CAMTA1: variants seen among roughly 807,000 people sequenced by gnomAD.
The protein encoded by CAMTA1 is calmodulin-binding transcription activator 1.
CAMTA1 carries 27 observed loss-of-function variants against 170.9 expected under a neutral mutation model. The observed-to-expected ratio is 0.16, with a 90% CI of 0.12 to 0.22. CAMTA1 has a LOEUF of 0.22. Ranked by LOEUF, CAMTA1 falls within the 10% of genes least tolerant of loss-of-function variation. The pLI is 1.00. For missense variants in CAMTA1, 1,619 were observed against 2,217.2 expected, an observed-to-expected ratio of 0.73 and a Z score of 5.42; for synonymous variants, 833 against 891.5, an observed-to-expected ratio of 0.93 and a Z score of 1.17.
In CAMTA1 at chr1:7,690,170, A is replaced by T. The variant is rs535898097; in HGVS notation, c.2914+12437A>T. On this transcript the variant is annotated intron_variant, in intron 11 of 22. Coordinates refer to ENST00000303635, the MANE Select transcript of CAMTA1 (RefSeq NM_015215.4). ...AAGAGCGAAACTCCATCTCAAAATAAGAAGAAAGAGCCAGCTGGGAGCCCT... is the reference window on the plus strand; with the variant it reads ...AAGAGCGAAACTCCATCTCAAAATATGAAGAAAGAGCCAGCTGGGAGCCCT... Among the ~76,000 whole-genome samples the T allele has an allele frequency of 2.0e-4, 31 of 152,300 alleles. No individual in the cohort carries two copies. The South Asian group carries it at 6.4e-3, about 32-fold the overall frequency.
At chr1:7,323,886 T>A (rs186290004) in intron 5 of CAMTA1, among the ~76,000 whole-genome samples, 3 of 152,356 alleles carry the variant, frequency 2.0e-5, no homozygotes, top group African/African-American at 7.2e-5. Flanking sequence ...GGTCGTGCTT[T>A]GTGAAATATA....
chr1:7,359,117 G>C (rs750433177), intron 5 of CAMTA1, among the ~76,000 whole-genome samples: 2 of 152,198 alleles, frequency 1.3e-5, no homozygotes, highest in African/African-American at 2.4e-5. Context: ...GGGACAGGTG[G>C]AAGAGTCCTT....
chr1:7,271,832 A>G (rs1374310499), intron 5 of CAMTA1, among the ~76,000 whole-genome samples: 1 of 152,168 alleles, frequency 6.6e-6, no homozygotes, highest in Admixed American at 6.5e-5. Context: ...AAAGAATACT[A>G]TGAACAGCAG....
In CAMTA1 at chr1:6,999,415, A is replaced by T. The variant is rs1050875687; in HGVS notation, c.235-91889A>T. Reference sequence around the variant, plus strand: ...TTATTTATTTATGAGACAGAGTCTCACTCTGTTGCCCAGGCTGGAGTGCGG... The same window carrying T: ...TTATTTATTTATGAGACAGAGTCTCTCTCTGTTGCCCAGGCTGGAGTGCGG... On this transcript the variant is annotated intron_variant, in intron 3 of 22. Transcript: ENST00000303635. Among the ~76,000 whole-genome samples, 47 of 151,924 alleles carry T rather than the reference A, an allele frequency of 3.1e-4. 1 individual carries two copies. Among genetic ancestry groups the T allele is most frequent in the African/African-American group, 1.1e-3 (47 of 41,348 alleles).
intron 3 of CAMTA1, among the ~76,000 whole-genome samples, chr1:6,940,930 A>ATCCTCACGGGG (rs1571901402): frequency 9.4e-3 from 3 of 320 alleles, no homozygotes; most frequent in Non-Finnish European, 0.015. Flanking sequence ...CTCACAGGGA[A>ATCCTCACGGGG]AGGGGATCCT....
chr1:6,793,067 T>A (rs1252545209), intron 1 of CAMTA1, among the ~76,000 whole-genome samples: 1 of 151,490 alleles, frequency 6.6e-6, no homozygotes, highest in Admixed American at 6.6e-5. Flanking sequence ...TATACCCCAC[T>A]CTTATATATA....
chr1:7,560,983 G>A (rs2094948895), intron 6 of CAMTA1, among the ~76,000 whole-genome samples: 1 of 152,156 alleles, frequency 6.6e-6, no homozygotes, highest in Admixed American at 6.5e-5. Flanking sequence ...CTCAGTGGGG[G>A]TGACTCGTAT....
intron 3 of CAMTA1, among the ~76,000 whole-genome samples, chr1:6,888,663 A>G (rs951599086): frequency 6.6e-6 from 1 of 152,236 alleles, no homozygotes; most frequent in African/African-American, 2.4e-5. Flanking sequence ...TATAGAGGAA[A>G]CTTGGAGGCG....
chr1:7,229,877 C>T (rs1232988178), intron 4 of CAMTA1, among the ~76,000 whole-genome samples: 6 of 152,156 alleles, frequency 3.9e-5, no homozygotes, highest in South Asian at 2.1e-4. Context: ...CCCGGCTCCC[C>T]GATGACCATT....
intron 4 of CAMTA1, among the ~76,000 whole-genome samples, chr1:7,104,992 G>C (rs966874870): frequency 6.6e-6 from 1 of 152,148 alleles, no homozygotes; most frequent in Admixed American, 6.5e-5. Context: ...AAAAATTCCA[G>C]CCTTAACCCC....
At chr1:7,184,523 AAAAAAAGT>A (rs1388915093) in intron 4 of CAMTA1, among the ~76,000 whole-genome samples, 1 of 152,128 alleles carries the variant, frequency 6.6e-6, no homozygotes, top group African/African-American at 2.4e-5. Flanking sequence ...ATTAAAAATT[AAAAAAAGT>A]AAAAAAGTAA....
At position 7,592,282 on chromosome 1, in the gene CAMTA1, C is replaced by T. The variant is rs1191659639; in HGVS notation, c.511-48118C>T. On this transcript the variant is annotated intron_variant, in intron 6 of 22. Transcript: ENST00000303635. This position sits in a 1 kb window ranked among gnomAD's most constrained non-coding sequence, Gnocchi z 4.6. The stretch of plus-strand genomic sequence containing the variant: ...ACGCCCATCACTGTCCTTGCCATCA[C>T]TGTCCTTCCCCTTTGTGCTAGCTCA... Among the ~76,000 whole-genome samples, 6 of 152,202 alleles carry T rather than the reference C, an allele frequency of 3.9e-5. No homozygotes were observed. The highest frequency in any genetic ancestry group is 1.2e-4 in the African/African-American group (5 of 41,458).
Position 6,887,754 on chromosome 1 carries a change from G to C in CAMTA1, c.234+62544G>C, listed in dbSNP as rs764758251. ...ATTGGAATGAAAGCTGGCAGAATTC[G>C]TAGGGAGAGCTTTCCCATCCTGCCA... On this transcript the variant is annotated intron_variant, in intron 3 of 22. Transcript: ENST00000303635. This position sits in a 1 kb window ranked among gnomAD's most constrained non-coding sequence, Gnocchi z 4.1. 3 of 1,534,882 alleles carry C rather than the reference G, an allele frequency of 2.0e-6. No individual in the cohort carries two copies. Among genetic ancestry groups the C allele is most frequent in the Non-Finnish European group, 2.6e-6 (3 of 1,146,380 alleles).
intron 5 of CAMTA1, among the ~76,000 whole-genome samples, chr1:7,411,405 G>A (rs1350686780): frequency 6.6e-6 from 1 of 152,108 alleles, no homozygotes; most frequent in Non-Finnish European, 1.5e-5. Context: ...CGGGCGTGGT[G>A]ACACGGCCCT....
rs1343576909 is a variant in CAMTA1, at chr1:7,488,447, A to G, written c.510+20546A>G. Among the ~76,000 whole-genome samples, 5 of 152,026 alleles carry G rather than the reference A, an allele frequency of 3.3e-5. No individual in the cohort carries two copies. The South Asian group carries it at 6.2e-4, about 19-fold the overall frequency. ...ACCCTGAGAGGGGCTGGGATCAGGG[A>G]CAACAACTCAGCCTATTTCTGCCCA... On this transcript the variant is annotated intron_variant, in intron 6 of 22. Coordinates refer to ENST00000303635, the MANE Select transcript of CAMTA1 (RefSeq NM_015215.4).
At chr1:6,978,632 TA>T (rs1208993485) in intron 3 of CAMTA1, among the ~76,000 whole-genome samples, 13 of 150,798 alleles carry the variant, frequency 8.6e-5, no homozygotes, top group South Asian at 8.4e-4. Context: ...AGACTCCATC[TA>T]AAAAAAATAC....
chr1:6,788,600 GA>G (rs1640115597), intron 1 of CAMTA1, among the ~76,000 whole-genome samples: 1 of 152,114 alleles, frequency 6.6e-6, no homozygotes, highest in Non-Finnish European at 1.5e-5. Context: ...GGGAACTTCG[GA>G]AAAACGAAGA....
At chr1:7,726,913 A>C (rs2096691688) in intron 11 of CAMTA1, among the ~76,000 whole-genome samples, 1 of 152,100 alleles carries the variant, frequency 6.6e-6, no homozygotes, top group African/African-American at 2.4e-5. Context: ...GGAAACTTGC[A>C]CTTGTAACTT....
intron 5 of CAMTA1, among the ~76,000 whole-genome samples, chr1:7,454,346 A>G (rs927340636): frequency 6.6e-6 from 1 of 152,174 alleles, no homozygotes; most frequent in Admixed American, 6.5e-5. Context: ...GTCTGGGGAA[A>G]CTGAGGAGGT....
Sources: allele counts gnomAD v4.1 joint callset (sites outside exome capture counted in the v4.1 genomes callset), GRCh38; gene constraint gnomAD v4.1.1; non-coding constraint Gnocchi (gnomAD v3.1); transcripts MANE v1.5; gene names NCBI Gene and HGNC (gene_info 2026-07-23, HGNC 2026-07-21).